The following KIAA0753 variants were observed in gnomAD, a reference collection of about 807,000 sequenced individuals.
KIAA0753 encodes the protein KIAA0753, also known as protein moonraker.
A neutral mutation model predicts 116.9 loss-of-function variants in KIAA0753; 114 were observed. That is an observed-to-expected ratio of 0.98 (90% confidence interval 0.84 to 1.14). The LOEUF (loss-of-function observed/expected upper bound fraction) is 1.14, where lower values mean the gene tolerates loss of function less well. Among genes scored for constraint, KIAA0753 ranks in the 50% most tolerant of loss-of-function variants. KIAA0753 has a pLI of 0.00. For missense variants in KIAA0753, 1,156 were observed against 1,172.4 expected, an observed-to-expected ratio of 0.99 and a Z score of 0.20; for synonymous variants, 405 against 413.1, an observed-to-expected ratio of 0.98 and a Z score of 0.24.
Position 6,589,973 on chromosome 17 carries a change from T to C in KIAA0753, c.2592A>G (p.Glu864=). Residue 864 remains glutamate (E), a synonymous_variant, in exon 18 of 19, where the codon GAA becomes GAG. Transcript: ENST00000361413. ...GAGGGGCCTCTCTTTTCTCTGATCC[T>C]TCCTCTGTTCCCACACTTTCATCCA... The part of the protein sequence containing the change: ...NSLDESVGTE[E]GSEKREAPLL... The C allele has an allele frequency of 1.3e-6, 2 of 1,582,836 alleles. No homozygotes were observed. Among genetic ancestry groups the C allele is most frequent in the South Asian group, 1.2e-5 (1 of 86,040 alleles).
chr17:6,581,738 C>T (rs1308266132), intron 18 of KIAA0753, among the ~76,000 whole-genome samples: 1 of 152,014 alleles, frequency 6.6e-6, no homozygotes, highest in East Asian at 1.9e-4. Flanking sequence ...GTTTGTAATC[C>T]ATTACTATTA....
At chr17:6,590,452 C>G (rs1968910145) in intron 17 of KIAA0753, 58 bp downstream of exon 17, 3 of 1,595,542 alleles carry the variant, frequency 1.9e-6, no homozygotes, top group Admixed American at 3.4e-5. Flanking sequence ...AATTCAAAAT[C>G]TAATAACATC....
Position 6,622,994 on chromosome 17 carries a change from G to A in KIAA0753, c.992C>T (p.Ala331Val). 6.2e-7 allele frequency: 1 copy of A among 1,614,168 alleles called. No individual in the cohort carries two copies. Residue 331 changes from alanine (A) to valine (V), a missense_variant, in exon 6 of 19, where the codon GCT becomes GTT. By Grantham distance (64) the Ala-to-Val change is moderately conservative. Transcript: ENST00000361413. The part of the protein sequence containing the change: ...FTDRGEHPLP[A>V]RCKELGSLIR... ...AAGGCTGCCCAGTTCCTTACACCGA[G>A]CAGGAAGTGGATGCTCCCCTCGGTC...
At chr17:6,606,092 T>C (rs922736090) in intron 12 of KIAA0753, among the ~76,000 whole-genome samples, 2 of 152,156 alleles carry the variant, frequency 1.3e-5, no homozygotes, top group African/African-American at 4.8e-5. Flanking sequence ...TACTGGACAG[T>C]TCCTTGGTGG....
rs4796519 is a variant in KIAA0753, at chr17:6,608,461, A to G, written c.1716T>C (p.Ala572=). 0.59 allele frequency: 881,260 copies of G among 1,506,058 alleles called. 260,414 individuals carry two copies. Among genetic ancestry groups the G allele is most frequent in the East Asian group, 0.72 (29,244 of 40,404 alleles). The allele number at this position is 1,506,058 out of a possible 1,614,324, so 93.3% of individuals were successfully genotyped here. The change falls in exon 10 of 19, where the codon GCT becomes GCC. Residue 572 remains alanine, a synonymous_variant. Transcript: ENST00000361413. ...GGCTAGTTTTCACCTTTAGCCATGC[A>G]GCACTGAAATAAATGGAAAAGCATA... ...PTSPPASPKC[A]AWLKVKTSPR...
intron 12 of KIAA0753, among the ~76,000 whole-genome samples, chr17:6,602,162 CT>C (rs1969918114): frequency 6.6e-6 from 1 of 152,358 alleles, no homozygotes; most frequent in East Asian, 1.9e-4. Flanking sequence ...CTCACATGCA[CT>C]GCTGATGGGA....
At chr17:6,594,263 CACTT>C (rs1426294944) in intron 16 of KIAA0753, among the ~76,000 whole-genome samples, 2 of 129,756 alleles carry the variant, frequency 1.5e-5, no homozygotes, top group Non-Finnish European at 3.2e-5. Context: ...CTTTACCACT[CACTT>C]CAGATTCTGA....
chr17:6,637,777 G>A (rs1479297281), intron 1 of KIAA0753: 1 of 152,312 alleles, frequency 6.6e-6, no homozygotes, highest in East Asian at 1.9e-4. Context: ...CCACAATTCT[G>A]AGCCAGTTTC....
Position 6,579,685 on chromosome 17 carries a change from A to C in KIAA0753, c.*62T>G. On this transcript the variant is annotated 3_prime_UTR_variant, in exon 19 of 19. Transcript: ENST00000361413. ...GAGGATGAAAATTTCCTGTGGGCCA[A>C]AACAAAGGGTGGTGCCATCCCTTCT... 8.2e-7 allele frequency: 1 copy of C among 1,216,910 alleles called. No individual in the cohort carries two copies. The highest frequency in any genetic ancestry group is 1.2e-5 in the South Asian group (1 of 82,382). 75.4% of individuals were successfully genotyped at this position (1,216,910 alleles called of 1,614,324 possible).
intron 7 of KIAA0753, among the ~76,000 whole-genome samples, chr17:6,617,792 G>A (rs1306142875): frequency 1.3e-5 from 2 of 152,180 alleles, no homozygotes; most frequent in East Asian, 1.9e-4. Flanking sequence ...ATGCCTATGC[G>A]ATGAAGCCTC....
intron 12 of KIAA0753, 70 bp downstream of exon 12, chr17:6,606,803 T>C (rs568577356): frequency 3.2e-5 from 41 of 1,275,130 alleles, no homozygotes; most frequent in African/African-American, 2.8e-4. Context: ...TCCAGGTTGG[T>C]TGCTAGAACT....
At chr17:6,627,821 A>C (rs1374909543) in intron 3 of KIAA0753, among the ~76,000 whole-genome samples, 1 of 152,246 alleles carries the variant, frequency 6.6e-6, no homozygotes, top group East Asian at 1.9e-4. Context: ...AGAAGACCTA[A>C]GGTTCAGCCA....
chr17:6,603,951 C>G (rs1314772550), intron 12 of KIAA0753, among the ~76,000 whole-genome samples: 2 of 152,176 alleles, frequency 1.3e-5, no homozygotes, highest in Non-Finnish European at 2.9e-5. Flanking sequence ...CCACTATACA[C>G]CCATCAGAAC....
At chr17:6,588,861 G>A (rs1968777884) in intron 18 of KIAA0753, among the ~76,000 whole-genome samples, 2 of 152,068 alleles carry the variant, frequency 1.3e-5, no homozygotes, top group Non-Finnish European at 2.9e-5. Flanking sequence ...CTTGTTTTGT[G>A]ACTCCACAAA....
intron 16 of KIAA0753, among the ~76,000 whole-genome samples, chr17:6,591,866 C>T (rs897635502): frequency 6.6e-6 from 1 of 152,252 alleles, no homozygotes; most frequent in African/African-American, 2.4e-5. Context: ...CCGGGCCAGT[C>T]CCATTCTAGG....
chr17:6,627,661 T>C (rs565702169), intron 3 of KIAA0753, among the ~76,000 whole-genome samples: 2 of 152,340 alleles, frequency 1.3e-5, no homozygotes, highest in African/African-American at 4.8e-5. Context: ...CAACTTCCCT[T>C]GTCACTGGTG....
intron 15 of KIAA0753, 30 bp downstream of exon 15, chr17:6,596,128 G>A: frequency 6.2e-7 from 1 of 1,603,018 alleles, no homozygotes; most frequent in Non-Finnish European, 8.5e-7. Flanking sequence ...GCCCCTAGCA[G>A]CGAACCAGAC....
intron 1 of KIAA0753, among the ~76,000 whole-genome samples, chr17:6,636,618 C>T (rs1051450669): frequency 2.6e-5 from 4 of 152,018 alleles, no homozygotes; most frequent in Non-Finnish European, 4.4e-5. Flanking sequence ...CTCCAGGAAA[C>T]GTCCCAATTT....
intron 13 of KIAA0753, 45 bp from the exon 14 acceptor site, chr17:6,599,365 G>C: frequency 8.1e-7 from 1 of 1,240,360 alleles, no homozygotes. Context: ...AAGACTTATA[G>C]CTCCTATTAG....
Sources: gnomAD v4.1 joint callset for allele counts (sites outside exome capture counted in the v4.1 genomes callset) on GRCh38, gnomAD v4.1.1 for gene constraint, MANE v1.5 for transcripts, NCBI Gene and HGNC (gene_info 2026-07-23, HGNC 2026-07-21) for gene names.